ARL13B: variants seen among roughly 807,000 people sequenced by gnomAD.
ARL13B encodes ARF like GTPase 13B.
ARL13B carries 36 observed loss-of-function variants against 56.1 expected under a neutral mutation model. The observed-to-expected ratio is 0.64, with a 90% confidence interval of 0.49 to 0.85. The LOEUF is 0.85. Ranked by LOEUF, ARL13B falls within the 40% of genes least tolerant of loss-of-function variation. The probability of loss-of-function intolerance (pLI) is 0.00; values close to 1 mark genes in which losing one functional copy is unlikely to be tolerated. For synonymous variants in ARL13B, 178 were observed against 171.1 expected (o/e 1.04, Z -0.32); for missense variants, 519 against 507.1 (o/e 1.02, Z -0.23).
intron 3 of ARL13B, among the ~76,000 whole-genome samples, chr3:94,016,691 G>A (rs553064795): frequency 8.2e-5 from 12 of 146,832 alleles, no homozygotes; most frequent in African/African-American, 2.7e-4. Flanking sequence ...CTGATGCCCC[G>A]GCTGGCATGC....
intron 7 of ARL13B, among the ~76,000 whole-genome samples, chr3:94,046,327 T>C (rs2076984077): frequency 6.6e-6 from 1 of 152,140 alleles, no homozygotes; most frequent in Non-Finnish European, 1.5e-5. Flanking sequence ...ATCTGCTTTA[T>C]ATCATTTATA....
At chr3:94,030,454 T>G (rs1296850553) in intron 3 of ARL13B, among the ~76,000 whole-genome samples, 1 of 151,000 alleles carries the variant, frequency 6.6e-6, no homozygotes, top group Non-Finnish European at 1.5e-5. Flanking sequence ...AAGCTGGTCT[T>G]GAACCCCTGA....
chr3:94,044,194 CCT>C (rs1408718482), intron 7 of ARL13B, among the ~76,000 whole-genome samples: 2 of 148,250 alleles, frequency 1.3e-5, no homozygotes, highest in African/African-American at 2.5e-5. Flanking sequence ...TGGCTGCCAC[CCT>C]GTCTAGGAAG....
At chr3:94,029,373 G>C in intron 3 of ARL13B, among the ~76,000 whole-genome samples, 1 of 117,898 alleles carries the variant, frequency 8.5e-6, no homozygotes. Context: ...TTGAGAAGGA[G>C]TCTTGCTCTT....
At chr3:93,988,794 T>C in intron 1 of ARL13B, 11 of 421,336 alleles carry the variant, frequency 2.6e-5, no homozygotes, top group South Asian at 2.0e-4. Flanking sequence ...GCATTTTTTT[T>C]TTTTTTTTAA....
intron 3 of ARL13B, among the ~76,000 whole-genome samples, chr3:94,021,120 A>G (rs4857146): frequency 0.38 from 56,984 of 151,094 alleles, 11,765 homozygotes; most frequent in East Asian, 0.55. Flanking sequence ...AGACGATACT[A>G]TAGAAAGAAT....
At chr3:94,035,181 G>A (rs1039256761) in intron 3 of ARL13B, 150 bp from the exon 4 acceptor site, 4 of 520,796 alleles carry the variant, frequency 7.7e-6, no homozygotes, top group Non-Finnish European at 1.3e-5. Context: ...AGGTTGCAGT[G>A]AGCTGAGATT....
intron 2 of ARL13B, among the ~76,000 whole-genome samples, chr3:94,002,247 C>CT (rs199912885): frequency 1.3e-5 from 2 of 149,384 alleles, no homozygotes; most frequent in South Asian, 2.1e-4. Context: ...CCACATGTGA[C>CT]TTTTTTTTTT....
intron 3 of ARL13B, among the ~76,000 whole-genome samples, chr3:94,024,948 TA>T (rs542376581): frequency 1.2e-4 from 18 of 152,156 alleles, no homozygotes; most frequent in Non-Finnish European, 2.4e-4. Flanking sequence ...CATCATAGTT[TA>T]AAAATTTTTA....
chr3:93,984,839 C>T (rs996084405), intron 1 of ARL13B, among the ~76,000 whole-genome samples: 1 of 151,930 alleles, frequency 6.6e-6, no homozygotes, highest in African/African-American at 2.4e-5. Flanking sequence ...AGACCCCATC[C>T]GTACAAAAAT....
chr3:94,024,131 T>C (rs1169486391), intron 3 of ARL13B, among the ~76,000 whole-genome samples: 2 of 152,216 alleles, frequency 1.3e-5, no homozygotes, highest in African/African-American at 4.8e-5. Context: ...TTTTTAAAAA[T>C]TAATTAATTA....
At chr3:94,007,298 G>T (rs1365325299) in intron 3 of ARL13B, among the ~76,000 whole-genome samples, 10 of 152,110 alleles carry the variant, frequency 6.6e-5, no homozygotes, top group Non-Finnish European at 1.5e-4. Context: ...TGTTATTTGT[G>T]GGAAGTAGAG....
At chr3:94,041,097 A>G (rs1209344452) in intron 6 of ARL13B, among the ~76,000 whole-genome samples, 3 of 151,904 alleles carry the variant, frequency 2.0e-5, no homozygotes, top group African/African-American at 7.3e-5. Context: ...TTTTTTAACC[A>G]TACAGATTTT....
chr3:94,011,814 A>C (rs1374059635), intron 3 of ARL13B, among the ~76,000 whole-genome samples: 2 of 152,172 alleles, frequency 1.3e-5, no homozygotes, highest in East Asian at 3.9e-4. Flanking sequence ...TTTTTATAGT[A>C]CCTTATTCAA....
At chr3:94,026,306 C>T (rs1032987107) in intron 3 of ARL13B, among the ~76,000 whole-genome samples, 1 of 152,184 alleles carries the variant, frequency 6.6e-6, no homozygotes, top group Non-Finnish European at 1.5e-5. Flanking sequence ...CTTACGATTA[C>T]ATCAAATTCT....
chr3:94,053,878 G>T lies in ARL13B; in HGVS notation c.*615G>T, dbSNP rs1266534572. ...ATGGCTTGAGGTATGTTTTGTAATA[G>T]CGTTGTTCTTTAAGTGTACATCGTA... is the stretch of plus-strand genomic sequence containing the variant. On this transcript the variant is annotated 3_prime_UTR_variant, in exon 10 of 10. Transcript: ENST00000394222. The T allele has an allele frequency of 1.3e-5, 4 of 313,378 alleles. No individual in the cohort carries two copies. The Admixed American group carries it at 1.3e-4, about 11-fold the overall frequency. The allele number at this position is 313,378 out of a possible 1,614,324, so 19.4% of individuals were successfully genotyped here.
intron 3 of ARL13B, among the ~76,000 whole-genome samples, chr3:94,031,333 G>A (rs1401792932): frequency 2.0e-5 from 3 of 151,960 alleles, no homozygotes; most frequent in Non-Finnish European, 2.9e-5. Flanking sequence ...CACTGAAAGG[G>A]CCTAGAAGCA....
chr3:93,998,458 A>G (rs2076002055), intron 2 of ARL13B, among the ~76,000 whole-genome samples: 1 of 152,072 alleles, frequency 6.6e-6, no homozygotes, highest in Non-Finnish European at 1.5e-5. Context: ...CCTTCATCCC[A>G]TATTTACTCT....
At chr3:94,014,397 A>G in intron 3 of ARL13B, 1 of 1,531,154 alleles carries the variant, frequency 6.5e-7, no homozygotes, top group Admixed American at 2.4e-5. Context: ...ATTTTGAGCT[A>G]CAGCATGGAC....
Sources: gnomAD v4.1 joint callset for allele counts (sites outside exome capture counted in the v4.1 genomes callset) on GRCh38, gnomAD v4.1.1 for gene constraint, MANE v1.5 for transcripts, NCBI Gene and HGNC (gene_info 2026-07-23, HGNC 2026-07-21) for gene names.